Variants in SLAIN1 observed in about 807,000 individuals in gnomAD.
SLAIN1 encodes SLAIN family member 1.
SLAIN1 carries 17 observed loss-of-function variants against 55.4 expected under a neutral mutation model. The ratio of observed to expected loss-of-function variants is 0.31; its 90% CI spans 0.21 to 0.46. SLAIN1 has a LOEUF of 0.46. SLAIN1 is among the 20% of genes least tolerant of loss of function. SLAIN1 has a pLI of 1.00. For missense variants in SLAIN1, 682 were observed against 785.1 expected (o/e 0.87, Z 1.57); for synonymous variants, 348 against 337.4 (o/e 1.03, Z -0.35).
chr13:77,723,282 A>G (rs1379037082), intron 2 of SLAIN1, among the ~76,000 whole-genome samples: 2 of 152,138 alleles, frequency 1.3e-5, no homozygotes, highest in Middle Eastern at 3.2e-3. Flanking sequence ...GCCTCTGAAG[A>G]GCCATCATGG....
At chr13:77,715,405 G>A (rs2091196543) in intron 1 of SLAIN1, among the ~76,000 whole-genome samples, 1 of 152,130 alleles carries the variant, frequency 6.6e-6, no homozygotes, top group Non-Finnish European at 1.5e-5. Context: ...AGACATTTAT[G>A]TTTAAGTCTT....
chr13:77,723,513 T>G (rs1019641728), intron 2 of SLAIN1, among the ~76,000 whole-genome samples: 2 of 152,194 alleles, frequency 1.3e-5, no homozygotes, highest in African/African-American at 4.8e-5. Flanking sequence ...TTCACTCTTA[T>G]GCAGGATTGT....
At chr13:77,705,126 A>G (rs1254707538) in intron 1 of SLAIN1, among the ~76,000 whole-genome samples, 1 of 151,670 alleles carries the variant, frequency 6.6e-6, no homozygotes, top group East Asian at 1.9e-4. Flanking sequence ...TGTTTTTTGT[A>G]TTATCTGCAA....
In SLAIN1 at chr13:77,698,337, C is replaced by A. The variant is rs1566214579; in HGVS notation, c.424C>A (p.Pro142Thr). The change falls in exon 1 of 7, where the codon CCA (proline) becomes ACA (threonine). Residue 142 changes from proline to threonine, a missense_variant. Pro to Thr is a conservative substitution (Grantham distance 38). Transcript: ENST00000418532. The surrounding 1 kb of genome is among the most constrained non-coding windows in gnomAD (Gnocchi z 4.1). Reference protein sequence around the residue: ...APSLLCSLAQPPEAPFVYFKP... With the variant: ...APSLLCSLAQTPEAPFVYFKP... ...CTCCCTGCTTTGCAGCCTGGCGCAG[C>A]CACCCGAGGCGCCCTTCGTCTACTT... The A allele has an allele frequency of 6.9e-7, 1 of 1,448,340 alleles. No homozygotes were observed. Among genetic ancestry groups the A allele is most frequent in the Non-Finnish European group, 9.1e-7 (1 of 1,102,622 alleles). 89.7% of individuals were successfully genotyped at this position (1,448,340 alleles called of 1,614,324 possible). A position where few individuals can be genotyped will look rare whatever the true frequency, so the allele number is the denominator to read the frequency against.
rs1247404194 is a variant in SLAIN1, at chr13:77,719,547, T to C, written c.642T>C (p.Ser214=). The C allele has an allele frequency of 6.2e-7, 1 of 1,612,892 alleles. No homozygotes were observed. The highest frequency in any genetic ancestry group is 1.3e-5 in the African/African-American group (1 of 74,996). ...TTTTTTTAAGGTTATACATTGGCTCTTCAAAGACGTTCACCTCATCAGAGA... is the reference window on the plus strand; with the variant it reads ...TTTTTTTAAGGTTATACATTGGCTCCTCAAAGACGTTCACCTCATCAGAGA... ...EDDYTWLYIG[S]SKTFTSSEKS... Residue 214 remains serine (S), a synonymous_variant, in exon 2 of 7, where the codon TCT becomes TCC. Coordinates refer to ENST00000418532, the MANE Select transcript of SLAIN1 (RefSeq NM_001242868.2).
chr13:77,736,385 C>T (rs1342168783), intron 2 of SLAIN1, among the ~76,000 whole-genome samples: 1 of 151,996 alleles, frequency 6.6e-6, no homozygotes, highest in Non-Finnish European at 1.5e-5. Context: ...AATCTCTGTC[C>T]CATTCCTCTC....
intron 2 of SLAIN1, among the ~76,000 whole-genome samples, chr13:77,733,616 TTTGA>T (rs1200544055): frequency 1.3e-5 from 2 of 152,202 alleles, no homozygotes; most frequent in Non-Finnish European, 2.9e-5. Flanking sequence ...ACTAACTTAC[TTTGA>T]TTGAATCGTC....
chr13:77,734,724 C>G (rs188917931), intron 2 of SLAIN1, among the ~76,000 whole-genome samples: 11 of 152,222 alleles, frequency 7.2e-5, no homozygotes, highest in African/African-American at 2.6e-4. Context: ...CATTTTCTTT[C>G]AGAATGTAGA....
At chr13:77,722,982 A>G (rs1173938590) in intron 2 of SLAIN1, among the ~76,000 whole-genome samples, 8 of 152,156 alleles carry the variant, frequency 5.3e-5, no homozygotes, top group Admixed American at 2.0e-4. Context: ...GCCTGATCTC[A>G]GGTAGTCCAC....
intron 4 of SLAIN1, among the ~76,000 whole-genome samples, chr13:77,752,261 A>AATGT (rs1874270877): frequency 1.4e-5 from 2 of 145,468 alleles, no homozygotes; most frequent in South Asian, 4.4e-4. Flanking sequence ...AGATTCAGTA[A>AATGT]ATGTTGGTTT....
At chr13:77,757,658 C>G (rs1361498693) in intron 5 of SLAIN1, among the ~76,000 whole-genome samples, 1 of 152,082 alleles carries the variant, frequency 6.6e-6, no homozygotes, top group Non-Finnish European at 1.5e-5. Context: ...TAGCTAAGCT[C>G]CCACTTACAT....
Position 77,698,115 on chromosome 13 carries a change from G to A in SLAIN1, c.202G>A (p.Ala68Thr). The part of the protein sequence containing the change: ...HLLLLPPPPP[A>T]APPPAGLQPL... ...GCTGCTGCTGCCGCCGCCGCCGCCCGCCGCGCCGCCCCCCGCTGGCCTGCA... is the reference window on the plus strand; with the variant it reads ...GCTGCTGCTGCCGCCGCCGCCGCCCACCGCGCCGCCCCCCGCTGGCCTGCA... Residue 68 changes from alanine to threonine, a missense_variant, in exon 1 of 7, where the codon GCC (alanine) becomes ACC (threonine). By Grantham distance (58) the Ala-to-Thr change is moderately conservative (BLOSUM62 0). This residue lies in a region of SLAIN1 where 401 missense variants were observed against 417.3 expected (regional missense o/e 0.96). Transcript: ENST00000418532. This position sits in a 1 kb window ranked among gnomAD's most constrained non-coding sequence, Gnocchi z 4.1. The A allele has an allele frequency of 9.9e-7, 1 of 1,008,258 alleles. No individual in the cohort carries two copies. Among genetic ancestry groups the A allele is most frequent in the Non-Finnish European group, 1.1e-6 (1 of 872,338 alleles). 62.5% of individuals were successfully genotyped at this position (1,008,258 alleles called of 1,614,324 possible). A position where few individuals can be genotyped will look rare whatever the true frequency, so the allele number is the denominator to read the frequency against.
intron 2 of SLAIN1, among the ~76,000 whole-genome samples, chr13:77,728,891 A>C (rs1437738068): frequency 6.6e-6 from 1 of 152,180 alleles, no homozygotes; most frequent in African/African-American, 2.4e-5. Flanking sequence ...ATTAAAACTT[A>C]GTCTGTGAGG....
chr13:77,756,686 A>G (rs906051145), intron 5 of SLAIN1, among the ~76,000 whole-genome samples: 2 of 152,174 alleles, frequency 1.3e-5, no homozygotes, highest in African/African-American at 4.8e-5. Context: ...TTCTGTCATC[A>G]GGGGAATAAT....
At chr13:77,708,730 G>T (rs907983440) in intron 1 of SLAIN1, among the ~76,000 whole-genome samples, 1 of 152,078 alleles carries the variant, frequency 6.6e-6, no homozygotes, top group Non-Finnish European at 1.5e-5. Context: ...CAATAAAAAG[G>T]ACGTCCACAC....
intron 1 of SLAIN1, among the ~76,000 whole-genome samples, chr13:77,710,467 A>T (rs1470286198): frequency 6.6e-6 from 1 of 152,230 alleles, no homozygotes; most frequent in East Asian, 1.9e-4. Context: ...ACAGACTTTA[A>T]ACCAACAAAG....
intron 6 of SLAIN1, among the ~76,000 whole-genome samples, chr13:77,762,008 G>A (rs1449466459): frequency 4.6e-5 from 7 of 152,152 alleles, no homozygotes; most frequent in Admixed American, 4.6e-4. Flanking sequence ...TGCATTTATG[G>A]ATATATAAAT....
At chr13:77,702,630 C>G (rs1253448813) in intron 1 of SLAIN1, among the ~76,000 whole-genome samples, 2 of 151,968 alleles carry the variant, frequency 1.3e-5, no homozygotes, top group Admixed American at 6.6e-5. Flanking sequence ...GGCAAAATGG[C>G]TTATGTAAGC....
chr13:77,740,155 T>TTGG, intron 2 of SLAIN1, among the ~76,000 whole-genome samples: 1 of 152,068 alleles, frequency 6.6e-6, no homozygotes, highest in East Asian at 1.9e-4. Context: ...TGAAGTACCT[T>TTGG]TAAGGTCTTG....
Sources: allele counts gnomAD v4.1 joint callset (sites outside exome capture counted in the v4.1 genomes callset), GRCh38; gene constraint gnomAD v4.1.1; regional missense constraint gnomAD v4.1.1; non-coding constraint Gnocchi (gnomAD v3.1); transcripts MANE v1.5; gene names NCBI Gene and HGNC (gene_info 2026-07-23, HGNC 2026-07-21).